COL25A1: variants seen among roughly 807,000 people sequenced by gnomAD.
COL25A1 encodes the protein collagen type XXV alpha 1 chain, also known as collagen alpha-1(XXV) chain.
COL25A1 carries 103 observed loss-of-function variants against 128.4 expected under a neutral mutation model. That is an observed-to-expected ratio of 0.80 (90% CI 0.68 to 0.94). The LOEUF is 0.94. Among genes scored for constraint, COL25A1 ranks in the 40% least tolerant of loss-of-function variants. The pLI is 0.00. For synonymous variants in COL25A1, 279 were observed against 277.2 expected, an observed-to-expected ratio of 1.01 and a Z score of -0.06; for missense variants, 745 against 840.0, an observed-to-expected ratio of 0.89 and a Z score of 1.40.
intron 3 of COL25A1, among the ~76,000 whole-genome samples, chr4:109,288,209 C>A (rs2214375): frequency 0.5 from 75,240 of 151,908 alleles, 21,839 homozygotes; most frequent in African/African-American, 0.8. Context: ...ATAACTAAGG[C>A]TTTCCTCCTC....
At chr4:109,294,360 A>G (rs1724766082) in intron 3 of COL25A1, among the ~76,000 whole-genome samples, 2 of 152,146 alleles carry the variant, frequency 1.3e-5, no homozygotes, top group African/African-American at 2.4e-5. Flanking sequence ...AGTGATTTCC[A>G]CTTACTTCTG....
chr4:109,015,956 C>T (rs964501540), intron 5 of COL25A1, among the ~76,000 whole-genome samples: 1 of 152,216 alleles, frequency 6.6e-6, no homozygotes, highest in African/African-American at 2.4e-5. Context: ...GCAGCCAGGG[C>T]TGTATGCTCC....
At chr4:108,882,480 A>G (rs565507906) in intron 19 of COL25A1, among the ~76,000 whole-genome samples, 1 of 152,272 alleles carries the variant, frequency 6.6e-6, no homozygotes, top group African/African-American at 2.4e-5. Context: ...TTATAATGCT[A>G]CAAGGTTATT....
At chr4:108,952,203 G>A (rs1749515113) in intron 8 of COL25A1, among the ~76,000 whole-genome samples, 1 of 151,948 alleles carries the variant, frequency 6.6e-6, no homozygotes, top group Non-Finnish European at 1.5e-5. Flanking sequence ...TGATTTCAGT[G>A]TTACATATTA....
At chr4:108,958,278 T>G (rs1321225834) in intron 8 of COL25A1, among the ~76,000 whole-genome samples, 1 of 152,060 alleles carries the variant, frequency 6.6e-6, no homozygotes, top group Non-Finnish European at 1.5e-5. Context: ...GGCAATTTTG[T>G]TAGAAATATT....
At chr4:108,893,830 A>C (rs1036090628) in intron 16 of COL25A1, among the ~76,000 whole-genome samples, 2 of 152,212 alleles carry the variant, frequency 1.3e-5, no homozygotes, top group Non-Finnish European at 2.9e-5. Context: ...AAATGTTTAA[A>C]AAACACATCA....
chr4:108,956,482 T>C (rs1282780510), intron 8 of COL25A1, among the ~76,000 whole-genome samples: 1 of 152,222 alleles, frequency 6.6e-6, no homozygotes, highest in East Asian at 1.9e-4. Flanking sequence ...CTTTGCTCAC[T>C]GCAAACTCCA....
At chr4:108,864,452 CAA>C (rs1448016297) in intron 20 of COL25A1, among the ~76,000 whole-genome samples, 1 of 152,114 alleles carries the variant, frequency 6.6e-6, no homozygotes, top group Non-Finnish European at 1.5e-5. Context: ...GTAAAATGGA[CAA>C]AGTTATAGTA....
chr4:109,026,713 A>T (rs1375112842), intron 5 of COL25A1, among the ~76,000 whole-genome samples: 1 of 152,092 alleles, frequency 6.6e-6, no homozygotes, highest in African/African-American at 2.4e-5. Context: ...GTTAAGGAAA[A>T]TTTTTCTTGC....
At chr4:108,955,545 G>A (rs28436918) in intron 8 of COL25A1, among the ~76,000 whole-genome samples, 6,616 of 151,982 alleles carry the variant, frequency 0.044, 368 homozygotes, top group African/African-American at 0.13. Flanking sequence ...TGAATATCTT[G>A]ATTACAAATA....
At chr4:108,937,062 A>T (rs750787274) in intron 11 of COL25A1, among the ~76,000 whole-genome samples, 5 of 152,024 alleles carry the variant, frequency 3.3e-5, no homozygotes, top group African/African-American at 7.2e-5. Flanking sequence ...CCATTCCTTC[A>T]GTATCCAGGA....
At chr4:109,094,885 G>T (rs2126013589) in intron 3 of COL25A1, among the ~76,000 whole-genome samples, 1 of 152,250 alleles carries the variant, frequency 6.6e-6, no homozygotes, top group East Asian at 1.9e-4. Flanking sequence ...GTAAAGCAAA[G>T]CCTTCTAATG....
At chr4:109,011,754 C>T (rs952608373) in intron 5 of COL25A1, among the ~76,000 whole-genome samples, 14 of 152,188 alleles carry the variant, frequency 9.2e-5, no homozygotes, top group African/African-American at 2.7e-4. Flanking sequence ...GAAGTTTAAG[C>T]TGACATTTAC....
chr4:109,261,459 C>T (rs1019280543), intron 3 of COL25A1, among the ~76,000 whole-genome samples: 1 of 152,060 alleles, frequency 6.6e-6, no homozygotes, highest in Non-Finnish European at 1.5e-5. Context: ...TGTCAGGGAG[C>T]GGAGGTTGCA....
chr4:109,299,819 T>C (rs1378354877), intron 3 of COL25A1, among the ~76,000 whole-genome samples: 1 of 152,142 alleles, frequency 6.6e-6, no homozygotes. Flanking sequence ...GGCTTCTAAA[T>C]TGTTAGGTCT....
chr4:108,905,455 T>C (rs1042194765), intron 13 of COL25A1, among the ~76,000 whole-genome samples: 2 of 151,716 alleles, frequency 1.3e-5, no homozygotes, highest in African/African-American at 2.4e-5. Context: ...GCACGGCACA[T>C]GTATACATAC....
intron 6 of COL25A1, among the ~76,000 whole-genome samples, chr4:109,009,107 G>T (rs1756332301): frequency 6.6e-6 from 1 of 152,120 alleles, no homozygotes; most frequent in Admixed American, 6.5e-5. Context: ...GGGCAACAGA[G>T]CAAGACTCCG....
chr4:109,174,378 C>T (rs1773876189), intron 3 of COL25A1, among the ~76,000 whole-genome samples: 1 of 152,166 alleles, frequency 6.6e-6, no homozygotes, highest in African/African-American at 2.4e-5. Flanking sequence ...TCCTTTTTAT[C>T]ACAGGGACCA....
At chr4:109,127,747 G>A (rs1768765105) in intron 3 of COL25A1, among the ~76,000 whole-genome samples, 1 of 152,132 alleles carries the variant, frequency 6.6e-6, no homozygotes. Flanking sequence ...GGCCGTAAAC[G>A]TTAGCTGATT....
Sources: allele counts gnomAD v4.1 joint callset (sites outside exome capture counted in the v4.1 genomes callset), GRCh38; gene constraint gnomAD v4.1.1; transcripts MANE v1.5; gene names NCBI Gene and HGNC (gene_info 2026-07-23, HGNC 2026-07-21).